RGS6: variants seen among roughly 807,000 people sequenced by gnomAD.
RGS6 encodes regulator of G protein signaling 6.
Under a neutral mutation model 78.5 loss-of-function variants are expected in RGS6, and 30 were observed. The ratio of observed to expected loss-of-function variants is 0.38; its 90% CI spans 0.29 to 0.52. The LOEUF is 0.52. RGS6 is among the 20% of genes least tolerant of loss of function. The pLI, the probability that RGS6 is intolerant of heterozygous loss-of-function variation, is 0.85. For missense variants in RGS6, 495 were observed against 609.7 expected (o/e 0.81, Z 1.98); for synonymous variants, 206 against 206.0 (o/e 1.00, Z 0.00).
rs1408685239 is a variant in RGS6 at position 72,562,392 on chromosome 14, CCT to C, written c.1423-20_1423-19del. 5.0e-6 allele frequency: 8 copies of C among 1,608,066 alleles called. No individual in the cohort carries two copies. The South Asian group carries it at 5.5e-5, about 11-fold the overall frequency. ...CCCTCTGTGTGTGCGCCTGTGCGTGCCTCTCTGTCGCTGTCTCTCTGCAGGGA... is the reference window on the plus strand; with the variant it reads ...CCCTCTGTGTGTGCGCCTGTGCGTGCCTCTGTCGCTGTCTCTCTGCAGGGA... On this transcript the variant is annotated intron_variant, in intron 17 of 17. Transcript: ENST00000553525.
At chr14:72,556,920 G>A (rs2097586263) in intron 17 of RGS6, among the ~76,000 whole-genome samples, 1 of 152,046 alleles carries the variant, frequency 6.6e-6, no homozygotes, top group Admixed American at 6.5e-5. Context: ...TATTTAAAAG[G>A]GGTCAAATAA....
At chr14:72,527,228 T>C (rs2097130497) in intron 15 of RGS6, among the ~76,000 whole-genome samples, 2 of 152,300 alleles carry the variant, frequency 1.3e-5, no homozygotes, top group African/African-American at 4.8e-5. Flanking sequence ...TGGCCACACC[T>C]TCTACTAGGA....
Position 72,478,297 on chromosome 14 carries a change from A to G in RGS6, c.822A>G (p.Arg274=), listed in dbSNP as rs2153358637. ...CATTTTTGAACGCACAGATCGACAG[A>G]CATTGTTTGAAAATGTCCAAAGTGG... is the stretch of plus-strand genomic sequence containing the variant. ...QITFLNAQID[R]HCLKMSKVAE... is the part of the protein sequence containing the mutation. Residue 274 remains arginine, a synonymous_variant, in exon 12 of 18, where the codon AGA becomes AGG. Transcript: ENST00000553525. 1 of 1,612,888 alleles carries G rather than the reference A, an allele frequency of 6.2e-7. No homozygotes were observed. Among genetic ancestry groups the G allele is most frequent in the East Asian group, 2.2e-5 (1 of 44,882 alleles).
chr14:72,084,984 T>C (rs2094967873), intron 2 of RGS6, among the ~76,000 whole-genome samples: 1 of 152,216 alleles, frequency 6.6e-6, no homozygotes, highest in African/African-American at 2.4e-5. Flanking sequence ...TGGATTTATT[T>C]GCAGGGGAAA....
chr14:72,068,266 C>T (rs1483045650), intron 2 of RGS6, among the ~76,000 whole-genome samples: 3 of 150,938 alleles, frequency 2.0e-5, no homozygotes, highest in African/African-American at 4.9e-5. Context: ...TCCAGAGTAG[C>T]TGGGACTACA....
intron 1 of RGS6, among the ~76,000 whole-genome samples, chr14:71,948,619 G>C (rs374485949): frequency 2.6e-5 from 4 of 151,802 alleles, no homozygotes; most frequent in Admixed American, 6.6e-5. Context: ...TTATCTCTCT[G>C]AGATCAAGAA....
intron 2 of RGS6, among the ~76,000 whole-genome samples, chr14:72,074,634 G>C (rs1380950284): frequency 1.3e-5 from 2 of 152,128 alleles, no homozygotes; most frequent in South Asian, 4.1e-4. Context: ...TTGTACCAGT[G>C]TAGAGCCTGT....
chr14:72,012,017 G>T (rs1483016330), intron 2 of RGS6, among the ~76,000 whole-genome samples: 3 of 152,124 alleles, frequency 2.0e-5, no homozygotes, highest in Non-Finnish European at 2.9e-5. Context: ...AAATATTCAT[G>T]TTTGGAAATC....
At chr14:71,981,055 G>A (rs1016138217) in intron 2 of RGS6, among the ~76,000 whole-genome samples, 8 of 147,278 alleles carry the variant, frequency 5.4e-5, no homozygotes, top group African/African-American at 1.2e-4. Context: ...TGATCGCATC[G>A]GCTCCTGAGG....
chr14:72,210,131 A>G (rs2043721409), intron 2 of RGS6, among the ~76,000 whole-genome samples: 2 of 152,210 alleles, frequency 1.3e-5, no homozygotes, highest in South Asian at 2.1e-4. Context: ...ATTTTGACAG[A>G]TGGAGAAAAT....
At chr14:72,515,495 A>G (rs1416500831) in intron 14 of RGS6, among the ~76,000 whole-genome samples, 1 of 152,152 alleles carries the variant, frequency 6.6e-6, no homozygotes, top group Non-Finnish European at 1.5e-5. Flanking sequence ...GTGAAACCCC[A>G]TCTCTGCTAA....
rs1424150286 is a variant in RGS6, at chr14:72,273,483, C to T, written c.85-78612C>T. ...CATAAGTGTGGACAGCAGGGGCAAT[C>T]GGTGGTATATACATAGGAAATAAAC... On this transcript the variant is annotated intron_variant, in intron 2 of 17. Coordinates refer to ENST00000553525, the MANE Select transcript of RGS6 (RefSeq NM_001204424.2). Among the ~76,000 whole-genome samples the T allele has an allele frequency of 2.6e-5, 4 of 151,852 alleles. No individual in the cohort carries two copies. In the South Asian group the frequency reaches 6.3e-4, roughly 24 times the overall value.
intron 17 of RGS6, among the ~76,000 whole-genome samples, chr14:72,549,182 G>A (rs925160365): frequency 6.6e-6 from 1 of 152,172 alleles, no homozygotes; most frequent in Admixed American, 6.5e-5. Flanking sequence ...CAAAGCAAGG[G>A]AAACCGTCAG....
intron 2 of RGS6, among the ~76,000 whole-genome samples, chr14:72,029,472 C>T (rs17105960): frequency 0.086 from 13,153 of 152,188 alleles, 620 homozygotes; most frequent in East Asian, 0.17. Context: ...TATGAAAGTT[C>T]CCTCCGTGTA....
chr14:72,224,613 A>G (rs142949294), intron 2 of RGS6, among the ~76,000 whole-genome samples: 122 of 152,306 alleles, frequency 8.0e-4, no homozygotes, highest in African/African-American at 2.9e-3. Flanking sequence ...TATGTCTCCT[A>G]TGCCTGAAAA....
At chr14:71,906,593 C>A in the RGS6 span, among the ~76,000 whole-genome samples, 3 of 152,222 alleles carry the variant, frequency 2.0e-5, no homozygotes, top group Admixed American at 2.0e-4. Context: ...TCTCCCCTTG[C>A]CCTTCCTTCC....
rs1013208867 is a variant in RGS6 at position 72,564,902 on chromosome 14, C to T, written c.*2435C>T. 2 of 152,402 alleles carry T rather than the reference C, an allele frequency of 1.3e-5. No homozygotes were observed. Among genetic ancestry groups the T allele is most frequent in the African/African-American group, 2.4e-5 (1 of 41,448 alleles). 9.4% of individuals were successfully genotyped at this position (152,402 alleles called of 1,614,324 possible). ...CTCAAACCCAGAGCAATAATACTCT[C>T]ACACCACCCCACAGCTAAGGCACTC... On this transcript the variant is annotated 3_prime_UTR_variant, in exon 18 of 18. Transcript: ENST00000553525.
At position 72,035,232 on chromosome 14, in the gene RGS6, G is replaced by A. The variant is rs565742593; in HGVS notation, c.84+70357G>A. ...ACTTTATGATTCAGTCTTGGTAGATGGTATGTTTGTAGGAATTTATTCCTT... is the reference window on the plus strand; with the variant it reads ...ACTTTATGATTCAGTCTTGGTAGATAGTATGTTTGTAGGAATTTATTCCTT... On this transcript the variant is annotated intron_variant, in intron 2 of 17. Coordinates refer to ENST00000553525, the MANE Select transcript of RGS6 (RefSeq NM_001204424.2). 3.3e-5 allele frequency among the ~76,000 whole-genome samples: 5 copies of A among 152,164 alleles called. No homozygotes were observed. The East Asian group carries it at 7.7e-4, about 24-fold the overall frequency.
intron 2 of RGS6, among the ~76,000 whole-genome samples, chr14:72,157,433 T>G (rs943504063): frequency 6.6e-6 from 1 of 152,210 alleles, no homozygotes; most frequent in Non-Finnish European, 1.5e-5. Context: ...GTAGAAAACC[T>G]GTTGCATGTC....
Sources: allele counts gnomAD v4.1 joint callset (sites outside exome capture counted in the v4.1 genomes callset), GRCh38; gene constraint gnomAD v4.1.1; transcripts MANE v1.5; gene names NCBI Gene and HGNC (gene_info 2026-07-23, HGNC 2026-07-21).